The following DLEU7 variants were observed in gnomAD, a reference collection of about 807,000 sequenced individuals.
The protein encoded by DLEU7 is leukemia-associated protein 7.
In DLEU7, 17 loss-of-function variants were observed where a neutral mutation model predicts 16.0. The observed-to-expected ratio is 1.06, with a 90% CI of 0.73 to 1.59. The LOEUF is 1.59. Ranked by LOEUF, DLEU7 falls within the 40% of genes most tolerant of loss-of-function variation. The pLI, the probability that DLEU7 is intolerant of heterozygous loss-of-function variation, is 0.00. For synonymous variants in DLEU7, 113 were observed against 139.8 expected (o/e 0.81, Z 1.35); for missense variants, 308 against 314.9 (o/e 0.98, Z 0.17).
intron 1 of DLEU7, among the ~76,000 whole-genome samples, chr13:50,776,451 T>C (rs577757989): frequency 4.7e-4 from 72 of 152,348 alleles, no homozygotes; most frequent in South Asian, 1.0e-3. Flanking sequence ...AAATAGCTAA[T>C]TCCCTGACAT....
chr13:50,814,564 G>A lies in DLEU7; in HGVS notation c.459+28624C>T, dbSNP rs73497540. Among the ~76,000 whole-genome samples, 580 of 151,376 alleles carry A rather than the reference G, an allele frequency of 3.8e-3. 6 individuals are homozygous for A. Among genetic ancestry groups the A allele is most frequent in the African/African-American group, 0.013 (541 of 41,278 alleles). ...GATTACATGTCTAACATTAGACAAAGAAACAAAAAGAACATAAAGAACCCA... is the reference window on the plus strand; with the variant it reads ...GATTACATGTCTAACATTAGACAAAAAAACAAAAAGAACATAAAGAACCCA... On this transcript the variant is annotated intron_variant, in intron 1 of 1. Coordinates refer to the DLEU7 transcript ENST00000400393.
intron 1 of DLEU7, among the ~76,000 whole-genome samples, chr13:50,784,491 G>A (rs964171505): frequency 3.9e-5 from 6 of 152,140 alleles, no homozygotes; most frequent in Non-Finnish European, 8.8e-5. Flanking sequence ...GGGAATTTTC[G>A]ATCACATTAT....
chr13:50,768,274 TC>T (rs1465037701), intron 1 of DLEU7, among the ~76,000 whole-genome samples: 1 of 151,950 alleles, frequency 6.6e-6, no homozygotes, highest in Non-Finnish European at 1.5e-5. Context: ...GGTATTTTTT[TC>T]ATTCATGATT....
intron 1 of DLEU7, among the ~76,000 whole-genome samples, chr13:50,770,973 A>G (rs1593389161): frequency 6.6e-6 from 1 of 152,224 alleles, no homozygotes; most frequent in South Asian, 2.1e-4. Context: ...CAGGGATTCA[A>G]CTTCTTCCTG....
chr13:50,799,336 T>C (rs771339015), intron 1 of DLEU7, among the ~76,000 whole-genome samples: 23 of 152,200 alleles, frequency 1.5e-4, no homozygotes, highest in Admixed American at 1.5e-3. Flanking sequence ...ACCCTTGCCT[T>C]GTTCCTATGT....
chr13:50,777,690 C>G (rs1206840738), intron 1 of DLEU7, among the ~76,000 whole-genome samples: 2 of 152,078 alleles, frequency 1.3e-5, no homozygotes, highest in African/African-American at 4.8e-5. Flanking sequence ...TTGTTCATTC[C>G]CACAATCCAT....
intron 1 of DLEU7, among the ~76,000 whole-genome samples, chr13:50,832,222 T>G (rs1283985354): frequency 6.6e-6 from 1 of 152,204 alleles, no homozygotes; most frequent in Non-Finnish European, 1.5e-5. Flanking sequence ...GGAGGGTATA[T>G]GTGTCTAGGA....
intron 1 of DLEU7, among the ~76,000 whole-genome samples, chr13:50,797,317 C>A (rs1876132060): frequency 6.6e-6 from 1 of 152,132 alleles, no homozygotes; most frequent in Non-Finnish European, 1.5e-5. Context: ...GGGAGTACGA[C>A]ATAAGGGAGG....
rs531261221 is a variant in DLEU7 at position 50,752,820 on chromosome 13, C to A, written c.460-39580G>T. Among the ~76,000 whole-genome samples the A allele has an allele frequency of 4.6e-5, 7 of 152,188 alleles. No individual in the cohort carries two copies. The South Asian group carries it at 1.5e-3, about 32-fold the overall frequency. On this transcript the variant is annotated intron_variant, in intron 1 of 1. Transcript: ENST00000400393. The stretch of plus-strand genomic sequence containing the variant: ...AGATTTATTGCAAAGAGTGAAAGAA[C>A]AAAGCTTCCACAGTGTGGAAGGGGA...
chr13:50,842,619 C>T (rs559376562), intron 1 of DLEU7, among the ~76,000 whole-genome samples: 1 of 152,284 alleles, frequency 6.6e-6, no homozygotes, highest in South Asian at 2.1e-4. Flanking sequence ...CACCCGGGAC[C>T]CACCCAGCTC....
At chr13:50,843,716 G>T (rs574625481), upstream of DLEU7, 2 of 1,466,426 alleles carry the variant, frequency 1.4e-6, no homozygotes, top group Admixed American at 5.5e-5. This position sits in a 1 kb window ranked among gnomAD's most constrained non-coding sequence, Gnocchi z 5.7. Flanking sequence ...GGGGCGTTGG[G>T]GTCGCCAAGG....
intron 1 of DLEU7, among the ~76,000 whole-genome samples, chr13:50,825,043 G>A (rs930908886): frequency 1.2e-4 from 19 of 152,122 alleles, no homozygotes; most frequent in Non-Finnish European, 2.9e-5. Flanking sequence ...AAATGGTGTC[G>A]AGATGAAACT....
At chr13:50,753,797 G>A (rs751601622) in intron 1 of DLEU7, among the ~76,000 whole-genome samples, 3 of 152,260 alleles carry the variant, frequency 2.0e-5, no homozygotes, top group Non-Finnish European at 4.4e-5. Context: ...TGCCGCCAAA[G>A]TGGGAGCCCA....
chr13:50,821,445 C>A (rs186693419), downstream of DLEU7, among the ~76,000 whole-genome samples: 3 of 152,230 alleles, frequency 2.0e-5, no homozygotes, highest in Admixed American at 6.5e-5. Flanking sequence ...TCCCTATCTT[C>A]AGCAAGCTAA....
intron 1 of DLEU7, among the ~76,000 whole-genome samples, chr13:50,833,526 C>T (rs889460084): frequency 1.3e-5 from 2 of 152,066 alleles, no homozygotes; most frequent in African/African-American, 2.4e-5. Context: ...AACCACTGCT[C>T]AAGGAAATAA....
At chr13:50,774,223 T>A (rs1363416376) in intron 1 of DLEU7, among the ~76,000 whole-genome samples, 3 of 152,198 alleles carry the variant, frequency 2.0e-5, no homozygotes, top group African/African-American at 7.2e-5. Context: ...TTGAGCTTCC[T>A]GGGTGAAGTG....
At chr13:50,786,649 G>C (rs1398614649) in intron 1 of DLEU7, among the ~76,000 whole-genome samples, 3 of 152,138 alleles carry the variant, frequency 2.0e-5, no homozygotes, top group African/African-American at 7.2e-5. Flanking sequence ...GAATCTCTCT[G>C]TCCTTGGGCA....
At chr13:50,793,542 G>T (rs369865490) in intron 1 of DLEU7, among the ~76,000 whole-genome samples, 22 of 152,302 alleles carry the variant, frequency 1.4e-4, no homozygotes, top group African/African-American at 5.3e-4. Context: ...TAACAAAAGT[G>T]ATTCTGACTG....
At chr13:50,777,371 G>T (rs1354595068) in intron 1 of DLEU7, among the ~76,000 whole-genome samples, 1 of 152,126 alleles carries the variant, frequency 6.6e-6, no homozygotes, top group Non-Finnish European at 1.5e-5. Flanking sequence ...GATAAAGCAG[G>T]CAGAAAAACG....
Sources: gnomAD v4.1 joint callset for allele counts (sites outside exome capture counted in the v4.1 genomes callset) on GRCh38, gnomAD v4.1.1 for gene constraint, Gnocchi (gnomAD v3.1) non-coding constraint, MANE v1.5 for transcripts, NCBI Gene and HGNC (gene_info 2026-07-23, HGNC 2026-07-21) for gene names.